SLC8A1: variants seen among roughly 807,000 people sequenced by gnomAD.
SLC8A1 encodes the protein sodium/calcium exchanger 1.
SLC8A1 carries 18 observed loss-of-function variants against 68.3 expected under a neutral mutation model. The ratio of observed to expected loss-of-function variants is 0.26; its 90% CI spans 0.18 to 0.39. SLC8A1 has a LOEUF of 0.39. SLC8A1 is among the 10% of genes least tolerant of loss of function. The probability of loss-of-function intolerance (pLI) is 1.00; values close to 1 mark genes in which losing one functional copy is unlikely to be tolerated. For synonymous variants in SLC8A1, 475 were observed against 415.5 expected, an observed-to-expected ratio of 1.14 and a Z score of -1.74; for missense variants, 985 against 1,156.7, an observed-to-expected ratio of 0.85 and a Z score of 2.15.
Position 40,361,887 on chromosome 2 carries a change from C to CTTTTT in SLC8A1, c.1808+66581_1808+66585dup, listed in dbSNP as rs1172909749. 3.3e-3 allele frequency among the ~76,000 whole-genome samples: 174 copies of CTTTTT among 53,142 alleles called. 22 individuals are homozygous for CTTTTT. The highest frequency in any genetic ancestry group is 0.011 in the East Asian group (21 of 1,992). The allele number at this position is 53,142 out of a possible 152,430, so 34.9% of individuals were successfully genotyped here. A position where few individuals can be genotyped will look rare whatever the true frequency, so the allele number is the denominator to read the frequency against. ...GTCAGATGTTTATATCTTTTCTTTC[C>CTTTTT]TTTTTTTTTTTTTTTTTTTTTTTTT... On this transcript the variant is annotated intron_variant, in intron 2 of 7. Coordinates refer to ENST00000406785, the Ensembl canonical transcript of SLC8A1.
intron 3 of SLC8A1, 145 bp from the exon 5 acceptor site, chr2:40,174,987 T>G: frequency 5.0e-6 from 4 of 795,882 alleles, no homozygotes; most frequent in Non-Finnish European, 8.2e-6. Context: ...TGTTCATGAC[T>G]GAATCACTAA....
chr2:40,129,603 C>T (rs879853314), intron 7 of SLC8A1, among the ~76,000 whole-genome samples: 1 of 152,146 alleles, frequency 6.6e-6, no homozygotes, highest in East Asian at 1.9e-4. Flanking sequence ...CAAATCATTC[C>T]TTAGAGACTG....
Position 40,435,514 on chromosome 2 carries a change from G to C in SLC8A1, c.-24-5210C>G, listed in dbSNP as rs185241847. On this transcript the variant is annotated intron_variant, in intron 1 of 7. Coordinates refer to ENST00000406785, the Ensembl canonical transcript of SLC8A1. ...TGTTTAATACTTTGGGACAGGTGCC[G>C]AAGGGGATGGGCTATGAGCGGTCAC... is the stretch of plus-strand genomic sequence containing the variant. 4.4e-3 allele frequency among the ~76,000 whole-genome samples: 673 copies of C among 152,218 alleles called. 3 individuals are homozygous for C. Among genetic ancestry groups the C allele is most frequent in the Middle Eastern group, 0.01 (3 of 294 alleles).
At chr2:40,464,147 G>A (rs1034099348) in intron 1 of SLC8A1, among the ~76,000 whole-genome samples, 6 of 151,952 alleles carry the variant, frequency 3.9e-5, no homozygotes, top group Non-Finnish European at 4.4e-5. Flanking sequence ...CATTCACCTC[G>A]GCCCCCCAAA....
chr2:40,107,619 C>G (rs1381113656), exon 8 of SLC8A1: 1 of 152,130 alleles, frequency 6.6e-6, no homozygotes, highest in African/African-American at 2.4e-5. Flanking sequence ...TCAAACAGCT[C>G]TGAATTTGTA....
chr2:40,129,199 A>C (rs1004689426), intron 7 of SLC8A1, among the ~76,000 whole-genome samples: 1 of 151,936 alleles, frequency 6.6e-6, no homozygotes, highest in African/African-American at 2.4e-5. Context: ...AAATAAAAAC[A>C]ACCCACCAGA....
intron 2 of SLC8A1, among the ~76,000 whole-genome samples, chr2:40,337,696 A>G (rs1229696376): frequency 6.6e-6 from 1 of 152,152 alleles, no homozygotes; most frequent in Non-Finnish European, 1.5e-5. Flanking sequence ...TTACACTCCT[A>G]TATTCCTACT....
chr2:40,103,464 C>T (rs1157029965), exon 8 of SLC8A1: 1 of 152,178 alleles, frequency 6.6e-6, no homozygotes, highest in African/African-American at 2.4e-5. Flanking sequence ...AATTTTTTCT[C>T]ATCTTCCTTT....
intron 2 of SLC8A1, among the ~76,000 whole-genome samples, chr2:40,223,387 G>A (rs1006222447): frequency 2.6e-5 from 4 of 152,028 alleles, no homozygotes; most frequent in Admixed American, 6.6e-5. Context: ...GCTAAAGGAG[G>A]GATAGCAGTA....
intron 2 of SLC8A1, among the ~76,000 whole-genome samples, chr2:40,376,539 A>C (rs988666249): frequency 4.6e-5 from 7 of 152,128 alleles, no homozygotes; most frequent in African/African-American, 1.7e-4. Flanking sequence ...AGCAATGTTC[A>C]TGCATTTCAG....
intron 4 of SLC8A1, among the ~76,000 whole-genome samples, chr2:40,167,276 T>C (rs2046710373): frequency 6.6e-6 from 1 of 152,204 alleles, no homozygotes; most frequent in African/African-American, 2.4e-5. Context: ...TTAAGATAGG[T>C]AGTCAAAATA....
chr2:40,506,575 A>C (rs1706381716), intron 1 of SLC8A1, among the ~76,000 whole-genome samples: 1 of 151,934 alleles, frequency 6.6e-6, no homozygotes, highest in Non-Finnish European at 1.5e-5. Flanking sequence ...ATAATTGTAT[A>C]AATTACTCTA....
chr2:40,177,745 C>T, intron 3 of SLC8A1: 1 of 1,524,272 alleles, frequency 6.6e-7, no homozygotes, highest in South Asian at 1.2e-5. Flanking sequence ...TTTGTTTACT[C>T]TCACACCTTT....
intron 2 of SLC8A1, among the ~76,000 whole-genome samples, chr2:40,281,185 G>C (rs964004009): frequency 6.6e-6 from 1 of 152,156 alleles, no homozygotes; most frequent in Middle Eastern, 3.4e-3. Flanking sequence ...CCAGGGATGG[G>C]GCAGAAGAAA....
At chr2:40,419,384 G>A (rs1048890779) in intron 2 of SLC8A1, among the ~76,000 whole-genome samples, 3 of 152,086 alleles carry the variant, frequency 2.0e-5, no homozygotes, top group African/African-American at 7.2e-5. Context: ...CAAGAGTATG[G>A]ACTAATTCCA....
intron 2 of SLC8A1, among the ~76,000 whole-genome samples, chr2:40,233,098 C>A (rs1378845490): frequency 4.6e-5 from 7 of 152,096 alleles, no homozygotes; most frequent in Admixed American, 2.6e-4. Context: ...ATTTATAGTC[C>A]TTTGGGTATA....
chr2:40,260,491 G>A (rs565938353), intron 2 of SLC8A1, among the ~76,000 whole-genome samples: 4 of 152,146 alleles, frequency 2.6e-5, no homozygotes, highest in Non-Finnish European at 5.9e-5. Context: ...TAACAGTAAC[G>A]TCTAAAATAA....
intron 2 of SLC8A1, among the ~76,000 whole-genome samples, chr2:40,394,240 C>T (rs1054724354): frequency 3.3e-5 from 5 of 152,066 alleles, no homozygotes; most frequent in Admixed American, 6.6e-5. Flanking sequence ...ACGGTTGCAA[C>T]ATGTTACGCA....
chr2:40,348,684 G>C (rs1029409844), intron 2 of SLC8A1, among the ~76,000 whole-genome samples: 1 of 152,094 alleles, frequency 6.6e-6, no homozygotes, highest in Non-Finnish European at 1.5e-5. Flanking sequence ...TCTCAGGGCA[G>C]CTAGTGCTGA....
Sources: gnomAD v4.1 joint callset for allele counts (sites outside exome capture counted in the v4.1 genomes callset) on GRCh38, gnomAD v4.1.1 for gene constraint, MANE v1.5 for transcripts, NCBI Gene and HGNC (gene_info 2026-07-23, HGNC 2026-07-21) for gene names.